STAT4: variants seen among roughly 807,000 people sequenced by gnomAD.
STAT4 encodes signal transducer and activator of transcription 4.
Under a neutral mutation model 110.5 loss-of-function variants are expected in STAT4, and 42 were observed. That is an observed-to-expected ratio of 0.38 (90% confidence interval 0.30 to 0.49). The LOEUF (loss-of-function observed/expected upper bound fraction) is 0.49. STAT4 is among the 20% of genes least tolerant of loss of function. The probability of loss-of-function intolerance (pLI) is 0.95; values close to 1 mark genes in which losing one functional copy is unlikely to be tolerated. For missense variants in STAT4, 632 were observed against 887.9 expected, an observed-to-expected ratio of 0.71 and a Z score of 3.66; for synonymous variants, 284 against 302.2, an observed-to-expected ratio of 0.94 and a Z score of 0.63.
At chr2:191,079,773 T>C (rs894863061) in intron 3 of STAT4, among the ~76,000 whole-genome samples, 2 of 152,132 alleles carry the variant, frequency 1.3e-5, no homozygotes, top group African/African-American at 4.8e-5. Flanking sequence ...ATTTTTAGAA[T>C]AATTTAATTT....
In STAT4 at chr2:191,104,604, T is replaced by C. The variant is rs1201140579; in HGVS notation, c.274-28279A>G. 6.6e-6 allele frequency among the ~76,000 whole-genome samples: 1 copy of C among 152,132 alleles called. No homozygotes were observed. The highest frequency in any genetic ancestry group is 1.9e-4 in the East Asian group (1 of 5,194). ...TCAACTTTTGATTTTGCTAAATAAGTATATATTAAACAAAGGTCCATAACC... is the reference window on the plus strand; with the variant it reads ...TCAACTTTTGATTTTGCTAAATAAGCATATATTAAACAAAGGTCCATAACC... On this transcript the variant is annotated intron_variant, in intron 3 of 23. Transcript: ENST00000392320. The surrounding 1 kb of genome is among the most constrained non-coding windows in gnomAD (Gnocchi z 4.3).
intron 3 of STAT4, among the ~76,000 whole-genome samples, chr2:191,121,609 A>C (rs1401106302): frequency 6.6e-6 from 1 of 152,170 alleles, no homozygotes; most frequent in East Asian, 1.9e-4. Context: ...GGATGAGTTC[A>C]TGTCCTTTGT....
chr2:191,050,482 A>G lies in STAT4; in HGVS notation c.1251+4008T>C, dbSNP rs7573832. Among the ~76,000 whole-genome samples the G allele has an allele frequency of 0.12, 18,459 of 152,274 alleles. 1,249 individuals are homozygous for G. Among genetic ancestry groups the G allele is most frequent in the Middle Eastern group, 0.22 (64 of 294 alleles). ...AATTCCAAAGCAAATTCTTAAAGTT[A>G]AATTCATTTTTAAAAATCTAAAGCT... On this transcript the variant is annotated intron_variant, in intron 14 of 23. Coordinates refer to ENST00000392320, the MANE Select transcript of STAT4 (RefSeq NM_003151.4). The surrounding 1 kb of genome is among the most constrained non-coding windows in gnomAD (Gnocchi z 4.3).
chr2:191,093,091 C>T (rs974771325), intron 3 of STAT4, among the ~76,000 whole-genome samples: 1 of 152,188 alleles, frequency 6.6e-6, no homozygotes, highest in Non-Finnish European at 1.5e-5. Flanking sequence ...GGCCTGCTGC[C>T]TCTGTAGACC....
upstream of STAT4, chr2:191,151,082 C>A (rs1699581288): frequency 3.0e-6 from 3 of 985,360 alleles, no homozygotes; most frequent in African/African-American, 1.7e-5. The surrounding 1 kb of genome is among the most constrained non-coding windows in gnomAD (Gnocchi z 4.7). Context: ...TGAGGCTTTC[C>A]TGTGCGTCAG....
In STAT4 at chr2:191,042,732, A is replaced by G. The variant is rs1194317033; in HGVS notation, c.1252-1584T>C. ...AAATAAGATAGGCAAAATATTAATC[A>G]TTGTTGAAGTTAGGTGATGCTTAAA... On this transcript the variant is annotated intron_variant, in intron 14 of 23. Coordinates refer to ENST00000392320, the MANE Select transcript of STAT4 (RefSeq NM_003151.4). This position sits in a 1 kb window ranked among gnomAD's most constrained non-coding sequence, Gnocchi z 4.2. Among the ~76,000 whole-genome samples the G allele has an allele frequency of 6.6e-6, 1 of 151,962 alleles. No individual in the cohort carries two copies. Among genetic ancestry groups the G allele is most frequent in the Non-Finnish European group, 1.5e-5 (1 of 67,994 alleles).
At chr2:191,094,021 A>G (rs1489601096) in intron 3 of STAT4, among the ~76,000 whole-genome samples, 1 of 152,232 alleles carries the variant, frequency 6.6e-6, no homozygotes, top group Non-Finnish European at 1.5e-5. Flanking sequence ...AAATAAAGCA[A>G]GAAGAGAAGT....
intron 3 of STAT4, among the ~76,000 whole-genome samples, chr2:191,105,308 C>T (rs992215906): frequency 6.6e-6 from 1 of 152,186 alleles, no homozygotes; most frequent in Non-Finnish European, 1.5e-5. Flanking sequence ...CTACCCAAAA[C>T]CTTCCAATGG....
intron 14 of STAT4, among the ~76,000 whole-genome samples, chr2:191,047,815 G>A (rs184484740): frequency 3.3e-5 from 5 of 152,236 alleles, no homozygotes; most frequent in African/African-American, 9.6e-5. Flanking sequence ...ATGGGCGTGC[G>A]CCATTATGCC....
intron 3 of STAT4, among the ~76,000 whole-genome samples, chr2:191,130,057 TATC>T (rs1698991155): frequency 6.6e-6 from 1 of 152,014 alleles, no homozygotes; most frequent in Non-Finnish European, 1.5e-5. Context: ...TCCTTGAAGG[TATC>T]TTTGAGGTGA....
intron 3 of STAT4, among the ~76,000 whole-genome samples, chr2:191,094,917 CAAAAAAAA>C (rs1165913847): frequency 1.3e-5 from 1 of 77,920 alleles, no homozygotes; most frequent in Non-Finnish European, 2.3e-5. Context: ...AAATGGAAAG[CAAAAAAAA>C]AAAAAAAAAA....
rs1478270645 is a variant in STAT4 at position 191,043,996 on chromosome 2, G to A, written c.1252-2848C>T. On this transcript the variant is annotated intron_variant, in intron 14 of 23. Transcript: ENST00000392320. This position sits in a 1 kb window ranked among gnomAD's most constrained non-coding sequence, Gnocchi z 4.8. ...AATTCAAGGCAATGGTTATTGGGAG[G>A]TGGGTGGGTACAGAGAGGAAAAGGA... Among the ~76,000 whole-genome samples, 2 of 151,052 alleles carry A rather than the reference G, an allele frequency of 1.3e-5. No homozygotes were observed. Among genetic ancestry groups the A allele is most frequent in the South Asian group, 2.1e-4 (1 of 4,758 alleles).
rs575063707 is a variant in STAT4 at position 191,117,497 on chromosome 2, A to C, written c.273+29116T>G. ...TATTACTGTAAGTCGATTCTCATCTATCTAAAGTAATTGCAGCATGTGATT... is the reference window on the plus strand; with the variant it reads ...TATTACTGTAAGTCGATTCTCATCTCTCTAAAGTAATTGCAGCATGTGATT... On this transcript the variant is annotated intron_variant, in intron 3 of 23. Transcript: ENST00000392320. The surrounding 1 kb of genome is among the most constrained non-coding windows in gnomAD (Gnocchi z 5.2). Among the ~76,000 whole-genome samples the C allele has an allele frequency of 4.0e-4, 61 of 152,188 alleles. No individual in the cohort carries two copies. Among genetic ancestry groups the C allele is most frequent in the Non-Finnish European group, 8.1e-4 (55 of 68,042 alleles).
chr2:191,151,255 G>C (rs547879398), upstream of STAT4: 6 of 985,548 alleles, frequency 6.1e-6, no homozygotes, highest in South Asian at 2.8e-4. The surrounding 1 kb of genome is among the most constrained non-coding windows in gnomAD (Gnocchi z 4.7). Flanking sequence ...GCAGTGCCAG[G>C]AAAAAGGGGA....
rs534949246 is a variant in STAT4, at chr2:191,090,721, C to G, written c.274-14396G>C. Among the ~76,000 whole-genome samples the G allele has an allele frequency of 6.6e-6, 1 of 151,950 alleles. No individual in the cohort carries two copies. Among genetic ancestry groups the G allele is most frequent in the African/African-American group, 2.4e-5 (1 of 41,334 alleles). On this transcript the variant is annotated intron_variant, in intron 3 of 23. Coordinates refer to ENST00000392320, the MANE Select transcript of STAT4 (RefSeq NM_003151.4). The surrounding 1 kb of genome is among the most constrained non-coding windows in gnomAD (Gnocchi z 4.2). ...GACTAGAGGCACCCGCCACCATGCCCGGCTAATTTTTTGTATTTTTAGTAG... is the reference window on the plus strand; with the variant it reads ...GACTAGAGGCACCCGCCACCATGCCGGGCTAATTTTTTGTATTTTTAGTAG...
chr2:191,047,204 T>C (rs1319260489), intron 14 of STAT4, among the ~76,000 whole-genome samples: 1 of 152,146 alleles, frequency 6.6e-6, no homozygotes, highest in Non-Finnish European at 1.5e-5. Flanking sequence ...ACACCCCTTC[T>C]CCATGCCTTG....
chr2:191,062,711 G>T lies in STAT4; in HGVS notation c.941+51C>A, dbSNP rs761042527. 4 of 1,601,008 alleles carry T rather than the reference G, an allele frequency of 2.5e-6. No homozygotes were observed. Among genetic ancestry groups the T allele is most frequent in the East Asian group, 2.2e-5 (1 of 44,468 alleles). The stretch of plus-strand genomic sequence containing the variant: ...ACCTAAACACCAAAACCTTAGGAAG[G>T]GTGTTCTTACTTCACAGAATGGAGG... On this transcript the variant is annotated intron_variant, in intron 9 of 23. Coordinates refer to ENST00000392320, the MANE Select transcript of STAT4 (RefSeq NM_003151.4). The surrounding 1 kb of genome is among the most constrained non-coding windows in gnomAD (Gnocchi z 4.9).
At chr2:191,109,085 T>C (rs902368115) in intron 3 of STAT4, among the ~76,000 whole-genome samples, 2 of 152,234 alleles carry the variant, frequency 1.3e-5, no homozygotes, top group African/African-American at 4.8e-5. Flanking sequence ...TATCTGCTAC[T>C]GAGAAGAGAA....
At position 191,094,917 on chromosome 2, in the gene STAT4, C is replaced by CAA. The variant is rs1165913847; in HGVS notation, c.274-18594_274-18593dup. Among the ~76,000 whole-genome samples the CAA allele has an allele frequency of 9.8e-3, 763 of 77,850 alleles. 20 individuals are homozygous for CAA. Among genetic ancestry groups the CAA allele is most frequent in the African/African-American group, 0.018 (314 of 17,094 alleles). The allele number at this position is 77,850 out of a possible 152,430, so 51.1% of individuals were successfully genotyped here. The stretch of plus-strand genomic sequence containing the variant: ...GAAGATCTACCAAGCAAATGGAAAG[C>CAA]AAAAAAAAAAAAAAAAAAAAAGTAG... On this transcript the variant is annotated intron_variant, in intron 3 of 23. Transcript: ENST00000392320.
Sources: gnomAD v4.1 joint callset for allele counts (sites outside exome capture counted in the v4.1 genomes callset) on GRCh38, gnomAD v4.1.1 for gene constraint, Gnocchi (gnomAD v3.1) non-coding constraint, MANE v1.5 for transcripts, NCBI Gene and HGNC (gene_info 2026-07-23, HGNC 2026-07-21) for gene names.